PLSCR2: variants seen among roughly 807,000 people sequenced by gnomAD.
PLSCR2 encodes the protein phospholipid scramblase 2.
Under a neutral mutation model 25.3 loss-of-function variants are expected in PLSCR2, and 18 were observed. That is an observed-to-expected ratio of 0.71 (90% CI 0.49 to 1.06). The LOEUF (loss-of-function observed/expected upper bound fraction) is 1.06. Ranked by LOEUF, PLSCR2 falls within the 50% of genes least tolerant of loss-of-function variation. PLSCR2 has a pLI of 0.00. For missense variants in PLSCR2, 243 were observed against 269.5 expected (o/e 0.90, Z 0.69); for synonymous variants, 88 against 87.3 (o/e 1.01, Z -0.04).
At chr3:146,479,642 C>T (rs1254577831) in intron 1 of PLSCR2, among the ~76,000 whole-genome samples, 2 of 152,150 alleles carry the variant, frequency 1.3e-5, no homozygotes, top group Non-Finnish European at 2.9e-5. Context: ...TAATGGGAGA[C>T]TTCAACACTC....
chr3:146,484,954 A>G (rs911977866), intron 1 of PLSCR2, among the ~76,000 whole-genome samples: 43 of 152,250 alleles, frequency 2.8e-4, no homozygotes, highest in African/African-American at 9.6e-4. Context: ...CCTTAAACGT[A>G]AATGGGCTAA....
chr3:146,407,167 C>G (rs1321480228), intron 2 of PLSCR2, among the ~76,000 whole-genome samples: 1 of 152,088 alleles, frequency 6.6e-6, no homozygotes, highest in Non-Finnish European at 1.5e-5. Flanking sequence ...TGCGTTCTAC[C>G]TACCTAGAGC....
At chr3:146,461,706 C>A (rs2041583071), upstream of PLSCR2, 1 of 580,656 alleles carries the variant, frequency 1.7e-6, no homozygotes. Flanking sequence ...TTAGCATGTT[C>A]GTGAGAGAGG....
upstream of PLSCR2, among the ~76,000 whole-genome samples, chr3:146,462,836 G>A (rs1363043759): frequency 2.0e-5 from 3 of 152,118 alleles, no homozygotes; most frequent in Non-Finnish European, 2.9e-5. Context: ...GAAATGCTGC[G>A]AGCTAAGACC....
chr3:146,458,212 G>C lies in PLSCR2; in HGVS notation c.100+199C>G, dbSNP rs192616119. Among the ~76,000 whole-genome samples the C allele has an allele frequency of 3.9e-3, 595 of 152,224 alleles. 2 individuals carry two copies. Among genetic ancestry groups the C allele is most frequent in the African/African-American group, 0.014 (569 of 41,526 alleles). The stretch of plus-strand genomic sequence containing the variant: ...CAGGTAGAACCCACGGATAGGAAGG[G>C]CCAACTGTATTTTACCATTTCACTT... On this transcript the variant is annotated intron_variant, in intron 3 of 6. Transcript: ENST00000610787.
intron 2 of PLSCR2, among the ~76,000 whole-genome samples, chr3:146,426,234 CCTCCCTCT>C (rs1197360432): frequency 1.9e-4 from 27 of 143,532 alleles, no homozygotes; most frequent in East Asian, 2.2e-4. Context: ...TCCCTCCTTC[CCTCCCTCT>C]CTCCCTCTCT....
chr3:146,461,867 A>T, upstream of PLSCR2: 2 of 1,280,694 alleles, frequency 1.6e-6, no homozygotes, highest in Non-Finnish European at 2.2e-6. Flanking sequence ...GAGTTCCATG[A>T]TCTCATATAT....
intron 1 of PLSCR2, among the ~76,000 whole-genome samples, chr3:146,481,307 A>T (rs983132293): frequency 1.3e-5 from 2 of 152,360 alleles, no homozygotes; most frequent in Admixed American, 6.5e-5. Context: ...CTGTTTGCAG[A>T]TGACATGATT....
In PLSCR2 at chr3:146,435,747, C is replaced by G. The variant is rs574446431; in HGVS notation, c.*35-2230G>C. 3.2e-3 allele frequency among the ~76,000 whole-genome samples: 484 copies of G among 152,218 alleles called. 4 individuals carry two copies. Among genetic ancestry groups the G allele is most frequent in the African/African-American group, 0.011 (467 of 41,536 alleles). On this transcript the variant is annotated intron_variant, in intron 8 of 8. Transcript: ENST00000336685. ...TGCCTGTTCACTCTGATGGTAGTTT[C>G]TTTTGCTGTGCAGAAGCTCTTTAGT...
exon 4 of PLSCR2, chr3:146,455,341 T>C: frequency 6.2e-7 from 1 of 1,613,746 alleles, no homozygotes; most frequent in Non-Finnish European, 8.5e-7. Context: ...AGGTAAAAGG[T>C]CTAGACCGCC....
intron 1 of PLSCR2, among the ~76,000 whole-genome samples, chr3:146,483,114 C>A (rs1041872367): frequency 6.6e-6 from 1 of 151,744 alleles, no homozygotes; most frequent in East Asian, 1.9e-4. Flanking sequence ...ATTTAGAAAA[C>A]CCCATCATCT....
At chr3:146,476,792 G>A (rs1208614409) in intron 1 of PLSCR2, among the ~76,000 whole-genome samples, 2 of 152,354 alleles carry the variant, frequency 1.3e-5, no homozygotes, top group East Asian at 3.9e-4. Flanking sequence ...TCCTTACTGG[G>A]TGGGGCCTCC....
intron 2 of PLSCR2, among the ~76,000 whole-genome samples, chr3:146,425,904 CCAT>C (rs1470543332): frequency 1.3e-5 from 2 of 152,130 alleles, no homozygotes; most frequent in East Asian, 1.9e-4. Flanking sequence ...TGCATTAAAG[CCAT>C]CATTTTATTC....
At chr3:146,416,526 A>C (rs373110911) in intron 2 of PLSCR2, 3 of 152,196 alleles carry the variant, frequency 2.0e-5, no homozygotes, top group African/African-American at 7.2e-5. Context: ...CTCTAATCCA[A>C]GTGGACAGCT....
intron 5 of PLSCR2, among the ~76,000 whole-genome samples, chr3:146,450,960 A>G (rs36094824): frequency 0.57 from 86,795 of 151,408 alleles, 25,353 homozygotes; most frequent in South Asian, 0.76. Flanking sequence ...TAATTTTTAT[A>G]AAAAAAATTT....
At chr3:146,453,136 A>G (rs1222668176) in intron 5 of PLSCR2, among the ~76,000 whole-genome samples, 1 of 152,126 alleles carries the variant, frequency 6.6e-6, no homozygotes, top group Admixed American at 6.6e-5. Context: ...TAAAAATCAT[A>G]TTATTAGAGA....
chr3:146,424,394 G>C (rs1444353601), intron 2 of PLSCR2, among the ~76,000 whole-genome samples: 4 of 152,054 alleles, frequency 2.6e-5, no homozygotes, highest in East Asian at 1.9e-4. Context: ...TTGCGGGTTT[G>C]GGCTTCAACA....
At chr3:146,399,973 C>G (rs900744218) in intron 2 of PLSCR2, among the ~76,000 whole-genome samples, 2 of 151,576 alleles carry the variant, frequency 1.3e-5, no homozygotes, top group African/African-American at 4.8e-5. Flanking sequence ...AGTATACTAG[C>G]AAAACGAAAC....
At chr3:146,442,376 T>C (rs2040297346) in intron 6 of PLSCR2, among the ~76,000 whole-genome samples, 1 of 152,028 alleles carries the variant, frequency 6.6e-6, no homozygotes, top group Admixed American at 6.5e-5. Flanking sequence ...TGCCAAGATG[T>C]CCATACTACT....
Sources: allele counts gnomAD v4.1 joint callset (sites outside exome capture counted in the v4.1 genomes callset), GRCh38; gene constraint gnomAD v4.1.1; transcripts MANE v1.5; gene names NCBI Gene and HGNC (gene_info 2026-07-23, HGNC 2026-07-21).